The following EVI5 variants were observed in gnomAD, a reference collection of about 807,000 sequenced individuals.
EVI5 encodes the protein ecotropic viral integration site 5 protein homolog.
EVI5 carries 73 observed loss-of-function variants against 112.0 expected under a neutral mutation model. The ratio of observed to expected loss-of-function variants is 0.65; its 90% confidence interval spans 0.54 to 0.79. The LOEUF (loss-of-function observed/expected upper bound fraction) is 0.79. EVI5 is among the 30% of genes least tolerant of loss of function. EVI5 has a pLI of 0.00. For synonymous variants in EVI5, 305 were observed against 319.9 expected, an observed-to-expected ratio of 0.95 and a Z score of 0.50; for missense variants, 900 against 968.8, an observed-to-expected ratio of 0.93 and a Z score of 0.94.
chr1:92,642,931 G>T (rs989038351), intron 13 of EVI5, among the ~76,000 whole-genome samples: 1 of 152,132 alleles, frequency 6.6e-6, no homozygotes. Context: ...ATACCTGAAT[G>T]GTAAGACCAA....
intron 2 of EVI5, among the ~76,000 whole-genome samples, chr1:92,724,351 T>C (rs1156496227): frequency 1.3e-5 from 2 of 152,184 alleles, no homozygotes; most frequent in African/African-American, 2.4e-5. Context: ...GTTGAAATAC[T>C]GGGGGCTGGT....
chr1:92,730,611 G>A (rs1357301292), intron 2 of EVI5, among the ~76,000 whole-genome samples: 2 of 145,874 alleles, frequency 1.4e-5, no homozygotes, highest in Non-Finnish European at 3.0e-5. Flanking sequence ...GAGCCCAGGA[G>A]ACCAAGGCAG....
intron 2 of EVI5, among the ~76,000 whole-genome samples, chr1:92,712,802 T>C (rs769660518): frequency 6.6e-6 from 1 of 152,032 alleles, no homozygotes; most frequent in Non-Finnish European, 1.5e-5. Context: ...GGTAATGCTA[T>C]GGTGGTAAAA....
intron 19 of EVI5, among the ~76,000 whole-genome samples, chr1:92,526,528 A>T (rs1446442840): frequency 6.6e-6 from 1 of 152,212 alleles, no homozygotes; most frequent in Non-Finnish European, 1.5e-5. Context: ...TTAGTGTATG[A>T]GGGTGTTTGG....
chr1:92,695,617 A>C (rs1212867771), intron 6 of EVI5, among the ~76,000 whole-genome samples, 164 bp from the exon 7 acceptor site: 1 of 152,192 alleles, frequency 6.6e-6, no homozygotes, highest in East Asian at 1.9e-4. Flanking sequence ...GCTAGTATCT[A>C]GGAAAGAAAG....
At chr1:92,600,612 T>C (rs959891850) in intron 18 of EVI5, among the ~76,000 whole-genome samples, 36 of 152,282 alleles carry the variant, frequency 2.4e-4, no homozygotes, top group African/African-American at 7.9e-4. Flanking sequence ...GATGAACTGT[T>C]CCACCTCAGA....
intron 10 of EVI5, among the ~76,000 whole-genome samples, chr1:92,676,832 A>C (rs994443479): frequency 1.3e-5 from 2 of 152,192 alleles, no homozygotes; most frequent in African/African-American, 4.8e-5. Context: ...TGTTGGTCTC[A>C]GCATAGAAAG....
rs534840345 is a variant in EVI5, at chr1:92,568,267, C to T, written c.2071-4530G>A. Among the ~76,000 whole-genome samples the T allele has an allele frequency of 2.5e-3, 381 of 150,766 alleles. 2 individuals carry two copies. The highest frequency in any genetic ancestry group is 4.7e-3 in the Non-Finnish European group (318 of 67,748). On this transcript the variant is annotated intron_variant, in intron 18 of 19. Transcript: ENST00000684568. The stretch of plus-strand genomic sequence containing the variant: ...GATGGGCACCTGTGGTCCCAGCTAC[C>T]AGGGAGGGTAAGGCGGGCGGATTGC...
Position 92,605,384 on chromosome 1 carries a change from C to T in EVI5, c.1993G>A (p.Ala665Thr). The T allele has an allele frequency of 6.2e-7, 1 of 1,611,998 alleles. No homozygotes were observed. The highest frequency in any genetic ancestry group is 8.5e-7 in the Non-Finnish European group (1 of 1,178,270). Residue 665 changes from alanine (A) to threonine (T), a missense_variant, in exon 18 of 20, where the codon GCT becomes ACT. Ala to Thr is a moderately conservative substitution (Grantham distance 58, BLOSUM62 0). Transcript: ENST00000684568. ...IECKNKEEVM[A>T]VRLREADSIA... Reference sequence around the variant, plus strand: ...CTATCTGCTTCCCGAAGCCTCACAGCCATCACTTCTTCCTTATTCTAGTGT... The same window carrying T: ...CTATCTGCTTCCCGAAGCCTCACAGTCATCACTTCTTCCTTATTCTAGTGT...
chr1:92,679,720 G>T (rs1184434662), intron 9 of EVI5, among the ~76,000 whole-genome samples: 2 of 152,166 alleles, frequency 1.3e-5, no homozygotes, highest in Non-Finnish European at 2.9e-5. Context: ...AACCTTGACA[G>T]TTTTGAGGAG....
At chr1:92,621,070 C>G (rs1421916512) in intron 16 of EVI5, among the ~76,000 whole-genome samples, 3 of 151,492 alleles carry the variant, frequency 2.0e-5, no homozygotes, top group African/African-American at 7.3e-5. Context: ...AAACCTGGAA[C>G]AACCACTAAA....
At chr1:92,682,257 T>C (rs887719621) in intron 9 of EVI5, among the ~76,000 whole-genome samples, 2 of 152,186 alleles carry the variant, frequency 1.3e-5, no homozygotes, top group Non-Finnish European at 2.9e-5. Context: ...GCTCAAATAG[T>C]ATCTTACCGG....
intron 1 of EVI5, among the ~76,000 whole-genome samples, chr1:92,760,577 C>A (rs1438059505): frequency 8.7e-4 from 132 of 151,318 alleles, no homozygotes; most frequent in Non-Finnish European, 1.9e-4. Context: ...ACTAAAAATA[C>A]AAAAAAATTA....
At chr1:92,530,602 A>G (rs1260262611) in intron 19 of EVI5, among the ~76,000 whole-genome samples, 4 of 151,964 alleles carry the variant, frequency 2.6e-5, no homozygotes, top group African/African-American at 9.7e-5. Context: ...ACAGGCAGCA[A>G]TCTTTGCTGT....
intron 14 of EVI5, among the ~76,000 whole-genome samples, chr1:92,631,658 G>C (rs1432238003): frequency 6.6e-6 from 1 of 151,996 alleles, no homozygotes; most frequent in Admixed American, 6.6e-5. Flanking sequence ...TTTTCCTAAT[G>C]GAATACCCTT....
At chr1:92,674,724 C>T (rs1666437921) in intron 10 of EVI5, among the ~76,000 whole-genome samples, 1 of 145,444 alleles carries the variant, frequency 6.9e-6, no homozygotes, top group Non-Finnish European at 1.5e-5. Flanking sequence ...AAAAATCAGA[C>T]ACCCCTAAAT....
At chr1:92,588,938 G>C (rs1234818890) in intron 18 of EVI5, among the ~76,000 whole-genome samples, 1 of 152,120 alleles carries the variant, frequency 6.6e-6, no homozygotes, top group East Asian at 1.9e-4. Context: ...TCAAATAATG[G>C]TCCTTACCCT....
chr1:92,553,543 C>T (rs1667279980), intron 19 of EVI5, among the ~76,000 whole-genome samples: 2 of 151,878 alleles, frequency 1.3e-5, no homozygotes, highest in Admixed American at 1.3e-4. Context: ...TCTTGTGATC[C>T]CTCTGCCTCG....
At position 92,513,465 on chromosome 1, in the gene EVI5, A is replaced by G. The variant is rs1400257062; in HGVS notation, c.*191T>C. ...GTCTACTTTATGGCAATGGTAAATC[A>G]GTGGTAAAGATTTGGCAAAGATAAA... is the stretch of plus-strand genomic sequence containing the variant. On this transcript the variant is annotated 3_prime_UTR_variant, in exon 20 of 20. Coordinates refer to ENST00000684568, the MANE Select transcript of EVI5 (RefSeq NM_001350197.2). 4.8e-6 allele frequency: 1 copy of G among 206,358 alleles called. No individual in the cohort carries two copies. Among genetic ancestry groups the G allele is most frequent in the East Asian group, 9.2e-5 (1 of 10,868 alleles). The allele number at this position is 206,358 out of a possible 1,614,324, so 12.8% of individuals were successfully genotyped here. A position where few individuals can be genotyped will look rare whatever the true frequency, so the allele number is the denominator to read the frequency against.
Sources: gnomAD v4.1 joint callset for allele counts (sites outside exome capture counted in the v4.1 genomes callset) on GRCh38, gnomAD v4.1.1 for gene constraint, MANE v1.5 for transcripts, NCBI Gene and HGNC (gene_info 2026-07-23, HGNC 2026-07-21) for gene names.